KCNQ1: variants seen among roughly 807,000 people sequenced by gnomAD.
KCNQ1 encodes the protein potassium voltage-gated channel subfamily Q member 1, also known as potassium voltage-gated channel subfamily KQT member 1.
Under a neutral mutation model 72.4 loss-of-function variants are expected in KCNQ1, and 49 were observed. That is an observed-to-expected ratio of 0.68 (90% confidence interval 0.54 to 0.86). The LOEUF is 0.86. Ranked by LOEUF, KCNQ1 falls within the 40% of genes least tolerant of loss-of-function variation. KCNQ1 has a pLI of 0.00. For synonymous variants in KCNQ1, 450 were observed against 412.6 expected (o/e 1.09, Z -1.10); for missense variants, 790 against 945.1 (o/e 0.84, Z 2.15).
chr11:2,660,480 G>A (rs946260179), intron 10 of KCNQ1: 8 of 398,436 alleles, frequency 2.0e-5, no homozygotes, highest in African/African-American at 1.4e-4. Flanking sequence ...ACAGACTGGG[G>A]AAGCTATCTA....
chr11:2,539,420 G>A (rs983212900), intron 2 of KCNQ1, among the ~76,000 whole-genome samples: 4 of 152,206 alleles, frequency 2.6e-5, no homozygotes, highest in Non-Finnish European at 5.9e-5. Flanking sequence ...ACGGGCTTAC[G>A]CTAGGCAGGC....
chr11:2,456,278 CAA>C (rs1014364198), intron 1 of KCNQ1, among the ~76,000 whole-genome samples: 28 of 143,304 alleles, frequency 2.0e-4, no homozygotes, highest in African/African-American at 6.5e-4. Flanking sequence ...GCCTGGGTGA[CAA>C]GAGCAAAACT....
In KCNQ1 at chr11:2,484,724, G is replaced by T. The variant is rs1286373206; in HGVS notation, c.386+39240G>T. 6.6e-6 allele frequency among the ~76,000 whole-genome samples: 1 copy of T among 152,180 alleles called. No individual in the cohort carries two copies. Among genetic ancestry groups the T allele is most frequent in the Admixed American group, 6.5e-5 (1 of 15,284 alleles). ...GGTGCATGGTGTGCTCATCGCCACT[G>T]TGGACCTGCTGCTCTGCGCCCACTC... is the stretch of plus-strand genomic sequence containing the variant. On this transcript the variant is annotated intron_variant, in intron 1 of 15. Transcript: ENST00000155840. The surrounding 1 kb of genome is among the most constrained non-coding windows in gnomAD (Gnocchi z 5.2).
Position 2,509,893 on chromosome 11 carries a change from G to A in KCNQ1, c.387-18035G>A, listed in dbSNP as rs980194591. 3.9e-5 allele frequency among the ~76,000 whole-genome samples: 6 copies of A among 152,312 alleles called. No homozygotes were observed. The East Asian group carries it at 1.2e-3, about 29-fold the overall frequency. Reference sequence around the variant, plus strand: ...GGAAATGCCCATGGAGGTGACAAGTGACAGCCGGGAACAGACCCACTGCCA... The same window carrying A: ...GGAAATGCCCATGGAGGTGACAAGTAACAGCCGGGAACAGACCCACTGCCA... On this transcript the variant is annotated intron_variant, in intron 1 of 15. Transcript: ENST00000155840. The surrounding 1 kb of genome is among the most constrained non-coding windows in gnomAD (Gnocchi z 6.3).
At chr11:2,535,359 T>C (rs1222418890) in intron 2 of KCNQ1, among the ~76,000 whole-genome samples, 1 of 152,182 alleles carries the variant, frequency 6.6e-6, no homozygotes, top group Non-Finnish European at 1.5e-5. Flanking sequence ...CCAAGGCTCC[T>C]CCCGGGTCAG....
chr11:2,644,277 A>G (rs574651761), intron 10 of KCNQ1: 1 of 397,596 alleles, frequency 2.5e-6, no homozygotes, highest in East Asian at 3.6e-5. Context: ...ATTCTTTTCT[A>G]TTTTTTCTAT....
rs1848633109 is a variant in KCNQ1 at position 2,588,855 on chromosome 11, G to A, written c.1393+1G>A. On this transcript the variant is annotated splice_donor_variant, in intron 10 of 15. Coordinates refer to ENST00000155840, the MANE Select transcript of KCNQ1 (RefSeq NM_000218.3). LOFTEE classifies it high-confidence loss of function. This position sits in a 1 kb window ranked among gnomAD's most constrained non-coding sequence, Gnocchi z 5.6. ...TCTGTCGACGGCTATGACAGTTCTG[G>A]TGAGAACCCCTCAGGCAGTTGGGGG... is the stretch of plus-strand genomic sequence containing the variant. 1 of 1,611,878 alleles carries A rather than the reference G, an allele frequency of 6.2e-7. No homozygotes were observed. Among genetic ancestry groups the A allele is most frequent in the South Asian group, 1.1e-5 (1 of 90,978 alleles).
At chr11:2,800,062 G>A (rs529740436) in intron 15 of KCNQ1, among the ~76,000 whole-genome samples, 7 of 152,334 alleles carry the variant, frequency 4.6e-5, no homozygotes, top group South Asian at 2.1e-4. Flanking sequence ...CAAGGGCTCC[G>A]ATAAGGCTGC....
At chr11:2,649,716 T>C (rs1849728623) in intron 10 of KCNQ1, 1 of 398,604 alleles carries the variant, frequency 2.5e-6, no homozygotes, top group East Asian at 3.6e-5. Flanking sequence ...GCTTCTCTCT[T>C]GTTTTTTAAA....
Position 2,526,328 on chromosome 11 carries a change from A to G in KCNQ1, c.387-1600A>G, listed in dbSNP as rs1847505310. Among the ~76,000 whole-genome samples, 1 of 152,034 alleles carries G rather than the reference A, an allele frequency of 6.6e-6. No individual in the cohort carries two copies. On this transcript the variant is annotated intron_variant, in intron 1 of 15. Coordinates refer to ENST00000155840, the MANE Select transcript of KCNQ1 (RefSeq NM_000218.3). This position sits in a 1 kb window ranked among gnomAD's most constrained non-coding sequence, Gnocchi z 6.1. The stretch of plus-strand genomic sequence containing the variant: ...AGGGGCTGGCTGGGTTCGGCTCTGC[A>G]GGTAGAGCTGACCGGTGTGGCAGGG...
Position 2,664,929 on chromosome 11 carries a change from C to T in KCNQ1, c.1514+2848C>T. On this transcript the variant is annotated intron_variant, in intron 11 of 15. Coordinates refer to ENST00000155840, the MANE Select transcript of KCNQ1 (RefSeq NM_000218.3). The surrounding 1 kb of genome is among the most constrained non-coding windows in gnomAD (Gnocchi z 5.1). Reference sequence around the variant, plus strand: ...TCTCGAGCTCTCCCCGCCCGCAGGGCCCCAGAGAGGTGAGGTCACTATAGC... The same window carrying T: ...TCTCGAGCTCTCCCCGCCCGCAGGGTCCCAGAGAGGTGAGGTCACTATAGC... 1 of 398,640 alleles carries T rather than the reference C, an allele frequency of 2.5e-6. No individual in the cohort carries two copies. The allele number at this position is 398,640 out of a possible 1,614,324, so 24.7% of individuals were successfully genotyped here.
chr11:2,620,718 G>A lies in KCNQ1; in HGVS notation c.1393+31864G>A, dbSNP rs150282050. On this transcript the variant is annotated intron_variant, in intron 10 of 15. Transcript: ENST00000155840. This position sits in a 1 kb window ranked among gnomAD's most constrained non-coding sequence, Gnocchi z 4.5. ...TGAATATATATCCAGTAATGGGATT[G>A]CTGGGTCAGATGGTAGTTCTGTTTT... 6.6e-3 allele frequency: 2,645 copies of A among 398,586 alleles called. 12 individuals carry two copies. The highest frequency in any genetic ancestry group is 0.012 in the Admixed American group (271 of 22,728). The allele number at this position is 398,586 out of a possible 1,614,324, so 24.7% of individuals were successfully genotyped here.
At position 2,683,628 on chromosome 11, in the gene KCNQ1, C is replaced by T. The variant is rs1045566616; in HGVS notation, c.1514+21547C>T. On this transcript the variant is annotated intron_variant, in intron 11 of 15. Transcript: ENST00000155840. This position sits in a 1 kb window ranked among gnomAD's most constrained non-coding sequence, Gnocchi z 4.7. The stretch of plus-strand genomic sequence containing the variant: ...CAAATACTGCTCTAGACAACTGGGC[C>T]CTGCATCTGCTGCAAGGAACATCCC... 2 of 398,512 alleles carry T rather than the reference C, an allele frequency of 5.0e-6. No individual in the cohort carries two copies. The highest frequency in any genetic ancestry group is 4.1e-5 in the African/African-American group (2 of 48,626). 24.7% of individuals were successfully genotyped at this position (398,512 alleles called of 1,614,324 possible). A position where few individuals can be genotyped will look rare whatever the true frequency, so the allele number is the denominator to read the frequency against.
At chr11:2,524,677 C>T (rs905084060) in intron 1 of KCNQ1, among the ~76,000 whole-genome samples, 3 of 152,196 alleles carry the variant, frequency 2.0e-5, no homozygotes, top group African/African-American at 4.8e-5. Flanking sequence ...TGGCAGCTTC[C>T]GGCTTATCCA....
chr11:2,699,982 C>T (rs1281857133), intron 11 of KCNQ1: 4 of 398,262 alleles, frequency 1.0e-5, no homozygotes, highest in Admixed American at 8.8e-5. Flanking sequence ...TGAGGCGACG[C>T]GGCGACCGTT....
intron 11 of KCNQ1, 41 bp downstream of exon 11, chr11:2,662,122 A>C (rs200696588): frequency 3.8e-5 from 62 of 1,613,248 alleles, no homozygotes; most frequent in Admixed American, 1.3e-4. Flanking sequence ...GCTGGAGGGG[A>C]CTGGAGCTCA....
In KCNQ1 at chr11:2,691,767, G is replaced by C; in HGVS notation, c.1514+29686G>C. On this transcript the variant is annotated intron_variant, in intron 11 of 15. Transcript: ENST00000155840. This position sits in a 1 kb window ranked among gnomAD's most constrained non-coding sequence, Gnocchi z 6.4. ...GGACATTCCACTAGGGCCATTTGCAGGCCAGTGGCCATCCACTGCCAGCAA... is the reference window on the plus strand; with the variant it reads ...GGACATTCCACTAGGGCCATTTGCACGCCAGTGGCCATCCACTGCCAGCAA... The C allele has an allele frequency of 5.0e-6, 2 of 398,700 alleles. No homozygotes were observed. The highest frequency in any genetic ancestry group is 4.4e-6 in the Non-Finnish European group (1 of 226,158). The allele number at this position is 398,700 out of a possible 1,614,324, so 24.7% of individuals were successfully genotyped here.
intron 1 of KCNQ1, among the ~76,000 whole-genome samples, chr11:2,513,925 C>T (rs745429043): frequency 3.9e-5 from 6 of 152,338 alleles, no homozygotes; most frequent in South Asian, 4.1e-4. Flanking sequence ...TGATGCCCCC[C>T]GGCCTGCAAG....
intron 11 of KCNQ1, among the ~76,000 whole-genome samples, chr11:2,756,236 C>T (rs765013827): frequency 9.9e-5 from 15 of 152,254 alleles, no homozygotes; most frequent in African/African-American, 2.4e-4. Context: ...TGTGTTGCAA[C>T]GCTGTTCACA....
Sources: allele counts gnomAD v4.1 joint callset (sites outside exome capture counted in the v4.1 genomes callset), GRCh38; gene constraint gnomAD v4.1.1; non-coding constraint Gnocchi (gnomAD v3.1); transcripts MANE v1.5; gene names NCBI Gene and HGNC (gene_info 2026-07-23, HGNC 2026-07-21).